The following AFF1 variants were observed in gnomAD, a reference collection of about 807,000 sequenced individuals.
AFF1 encodes AF4/FMR2 family member 1.
In AFF1, 48 loss-of-function variants were observed where a neutral mutation model predicts 121.7. The ratio of observed to expected loss-of-function variants is 0.39; its 90% CI spans 0.31 to 0.50. The LOEUF (loss-of-function observed/expected upper bound fraction) is 0.50. AFF1 is among the 20% of genes least tolerant of loss of function. The pLI, the probability that AFF1 is intolerant of heterozygous loss-of-function variation, is 0.76. For missense variants in AFF1, 1,523 were observed against 1,511.7 expected (o/e 1.01, Z -0.12); for synonymous variants, 613 against 563.0 (o/e 1.09, Z -1.26).
chr4:86,977,930 G>A (rs1723429497), intron 2 of AFF1, among the ~76,000 whole-genome samples: 1 of 152,126 alleles, frequency 6.6e-6, no homozygotes, highest in African/African-American at 2.4e-5. Context: ...TGCACACTGT[G>A]CTGTGAGGGG....
chr4:86,997,958 T>C (rs1578929576), intron 2 of AFF1, among the ~76,000 whole-genome samples: 1 of 151,472 alleles, frequency 6.6e-6, no homozygotes, highest in African/African-American at 2.4e-5. Context: ...ATTTGCCAGG[T>C]GTGGTGGCAC....
At chr4:87,079,518 G>T (rs236677) in intron 4 of AFF1, among the ~76,000 whole-genome samples, 150,988 of 152,330 alleles carry the variant, frequency 0.99, 74,830 homozygotes, top group East Asian at 1. Context: ...CGTAGCTCTT[G>T]AAAAAATGTT....
chr4:87,066,067 C>T (rs750407052), intron 4 of AFF1, among the ~76,000 whole-genome samples: 5 of 152,214 alleles, frequency 3.3e-5, no homozygotes, highest in Non-Finnish European at 7.3e-5. Flanking sequence ...AGATTTCCTT[C>T]ATGGTACCAG....
Position 87,135,888 on chromosome 4 carries a change from C to T in AFF1, c.*187C>T, listed in dbSNP as rs990155632. 2 of 946,438 alleles carry T rather than the reference C, an allele frequency of 2.1e-6. No individual in the cohort carries two copies. Among genetic ancestry groups the T allele is most frequent in the Non-Finnish European group, 1.4e-6 (1 of 694,152 alleles). 58.6% of individuals were successfully genotyped at this position (946,438 alleles called of 1,614,324 possible). A position where few individuals can be genotyped will look rare whatever the true frequency, so the allele number is the denominator to read the frequency against. ...TCATTGGTTGGACACTGTGGTTATG[C>T]AGAAGCAGAGATGAGGAGGCTGGCC... On this transcript the variant is annotated 3_prime_UTR_variant, in exon 21 of 21. Coordinates refer to ENST00000395146, the MANE Select transcript of AFF1 (RefSeq NM_001166693.3).
chr4:86,945,521 T>TC (rs142494443), intron 1 of AFF1, among the ~76,000 whole-genome samples: 1 of 147,876 alleles, frequency 6.8e-6, no homozygotes, highest in Non-Finnish European at 1.5e-5. Flanking sequence ...TTTTTTTTTT[T>TC]AGACAGGGTC....
chr4:87,012,687 G>C (rs1378604603), intron 2 of AFF1, among the ~76,000 whole-genome samples: 1 of 152,146 alleles, frequency 6.6e-6, no homozygotes, highest in Non-Finnish European at 1.5e-5. Flanking sequence ...ACAGTGTCTT[G>C]CTCAAGTACA....
In AFF1 at chr4:87,126,194, A is replaced by C. The variant is rs1728227049; in HGVS notation, c.2669A>C (p.Lys890Thr). The C allele has an allele frequency of 3.7e-6, 6 of 1,614,118 alleles. 1 individual carries two copies. The change falls in exon 14 of 21, where the codon AAG becomes ACG. Residue 890 changes from lysine to threonine, a missense_variant. Physicochemically the swap from Lys to Thr is moderately conservative, Grantham distance 78 (BLOSUM62 -1). This residue lies in a region of AFF1 where 905 missense variants were observed against 842.5 expected (regional missense o/e 1.07). Coordinates refer to ENST00000395146, the MANE Select transcript of AFF1 (RefSeq NM_001166693.3). ...CAGAAGCCAGCCAAGCCTGCACTTA[A>C]GAGGTCAAGGCGGGAAGCAGACACC... ...SSQKPAKPAL[K>T]RSRREADTCG...
chr4:86,998,098 CAAAAAAAAAAAAA>C lies in AFF1; in HGVS notation c.39-48051_39-48039del, dbSNP rs56741955. The stretch of plus-strand genomic sequence containing the variant: ...AGGCAATAAGAGCGAAACTCCGTCT[CAAAAAAAAAAAAA>C]AAAAAAAAAAAAAAAACAAGAAAAC... On this transcript the variant is annotated intron_variant, in intron 2 of 20. Coordinates refer to ENST00000395146, the MANE Select transcript of AFF1 (RefSeq NM_001166693.3). Among the ~76,000 whole-genome samples the C allele has an allele frequency of 5.8e-3, 530 of 91,772 alleles. 8 individuals carry two copies. Among genetic ancestry groups the C allele is most frequent in the Middle Eastern group, 0.027 (4 of 146 alleles). 60.2% of individuals were successfully genotyped at this position (91,772 alleles called of 152,430 possible).
intron 2 of AFF1, among the ~76,000 whole-genome samples, chr4:87,026,947 CTT>C (rs967832257): frequency 5.9e-5 from 9 of 152,154 alleles, no homozygotes; most frequent in African/African-American, 2.2e-4. Flanking sequence ...AGGAAAAACA[CTT>C]TGAAATATGA....
intron 2 of AFF1, among the ~76,000 whole-genome samples, chr4:87,033,273 A>G (rs1249324082): frequency 6.6e-6 from 1 of 152,206 alleles, no homozygotes; most frequent in Non-Finnish European, 1.5e-5. Context: ...TCCAAGTGTA[A>G]GCCTTTTCCT....
intron 4 of AFF1, among the ~76,000 whole-genome samples, chr4:87,050,436 T>C (rs1431932820): frequency 6.6e-6 from 1 of 152,002 alleles, no homozygotes; most frequent in Non-Finnish European, 1.5e-5. Context: ...AAGTCACTCT[T>C]TTTATTTTTT....
rs997027500 is a variant in AFF1 at position 87,137,370 on chromosome 4, A to G, written c.*1669A>G. On this transcript the variant is annotated 3_prime_UTR_variant, in exon 21 of 21. Coordinates refer to ENST00000395146, the MANE Select transcript of AFF1 (RefSeq NM_001166693.3). Reference sequence around the variant, plus strand: ...TGATGAATGCAGGAACTCTCTTGGTAGTTTGTAAATACACAAAGGGATGTG... The same window carrying G: ...TGATGAATGCAGGAACTCTCTTGGTGGTTTGTAAATACACAAAGGGATGTG... The G allele has an allele frequency of 5.7e-5, 13 of 229,300 alleles. No individual in the cohort carries two copies. The highest frequency in any genetic ancestry group is 2.7e-4 in the African/African-American group (12 of 45,106). 14.2% of individuals were successfully genotyped at this position (229,300 alleles called of 1,614,324 possible).
At chr4:86,996,692 C>T (rs948182812) in intron 2 of AFF1, among the ~76,000 whole-genome samples, 1 of 151,938 alleles carries the variant, frequency 6.6e-6, no homozygotes, top group African/African-American at 2.4e-5. Context: ...CCAAATCCCC[C>T]TCTGTGAGAA....
chr4:86,987,878 A>G lies in AFF1; in HGVS notation c.38+39307A>G, dbSNP rs374198697. On this transcript the variant is annotated intron_variant, in intron 2 of 20. Coordinates refer to ENST00000395146, the MANE Select transcript of AFF1 (RefSeq NM_001166693.3). Reference sequence around the variant, plus strand: ...TGAGGTAGGAGGATCGCCTGAGCCCAGGAGGTGGAGATTGCAGTGAGCTGA... The same window carrying G: ...TGAGGTAGGAGGATCGCCTGAGCCCGGGAGGTGGAGATTGCAGTGAGCTGA... Among the ~76,000 whole-genome samples, 61 of 151,636 alleles carry G rather than the reference A, an allele frequency of 4.0e-4. 1 individual carries two copies. In the East Asian group the frequency reaches 0.01, roughly 26 times the overall value.
At position 87,047,525 on chromosome 4, in the gene AFF1, A is replaced by T. The variant is rs202055448; in HGVS notation, c.990A>T (p.Glu330Asp). The T allele has an allele frequency of 6.2e-7, 1 of 1,614,220 alleles. No homozygotes were observed. Among genetic ancestry groups the T allele is most frequent in the South Asian group, 1.1e-5 (1 of 91,086 alleles). ...LPEDYRQQTF[E>D]KTDLKVPAKA... is the part of the protein sequence containing the mutation. Reference sequence around the variant, plus strand: ...AGGACTATCGACAGCAGACCTTTGAAAAAACAGACTTGAAAGTGCCTGCCA... The same window carrying T: ...AGGACTATCGACAGCAGACCTTTGATAAAACAGACTTGAAAGTGCCTGCCA... The change falls in exon 4 of 21, where the codon GAA (glutamate) becomes GAT (aspartate). Residue 330 changes from glutamate (E) to aspartate (D), a missense_variant. By Grantham distance (45) the Glu-to-Asp change is conservative. This residue lies in a region of AFF1 where 905 missense variants were observed against 842.5 expected (regional missense o/e 1.07). Coordinates refer to ENST00000395146, the MANE Select transcript of AFF1 (RefSeq NM_001166693.3).
intron 4 of AFF1, among the ~76,000 whole-genome samples, chr4:87,057,116 CT>C (rs1720228825): frequency 6.6e-6 from 1 of 152,008 alleles, no homozygotes; most frequent in African/African-American, 2.4e-5. Flanking sequence ...TTTTGAAGCA[CT>C]TTGCACTCTG....
chr4:87,007,153 G>C, intron 2 of AFF1: 1 of 1,311,452 alleles, frequency 7.6e-7, no homozygotes, highest in Non-Finnish European at 9.7e-7. Context: ...CCCCGGGCTC[G>C]TCTGAAGTGC....
rs1723973795 is a variant in AFF1, at chr4:86,983,740, A to G, written c.38+35169A>G. On this transcript the variant is annotated intron_variant, in intron 2 of 20. Transcript: ENST00000395146. Reference sequence around the variant, plus strand: ...AAAACCAAAAAAAAAAACAAAAAACAAATAAAATACTTTGTCGCCAGGCGC... The same window carrying G: ...AAAACCAAAAAAAAAAACAAAAAACGAATAAAATACTTTGTCGCCAGGCGC... Among the ~76,000 whole-genome samples the G allele has an allele frequency of 2.0e-5, 3 of 149,248 alleles. No individual in the cohort carries two copies. The South Asian group carries it at 6.3e-4, about 31-fold the overall frequency.
intron 4 of AFF1, among the ~76,000 whole-genome samples, chr4:87,050,051 G>A (rs1027474936): frequency 6.6e-6 from 1 of 152,124 alleles, no homozygotes; most frequent in Non-Finnish European, 1.5e-5. Flanking sequence ...AATATTTCTT[G>A]TGAATCCAAG....
Sources: gnomAD v4.1 joint callset for allele counts (sites outside exome capture counted in the v4.1 genomes callset) on GRCh38, gnomAD v4.1.1 for gene constraint, gnomAD v4.1.1 regional missense constraint, MANE v1.5 for transcripts, NCBI Gene and HGNC (gene_info 2026-07-23, HGNC 2026-07-21) for gene names.